SACS: variants seen among roughly 807,000 people sequenced by gnomAD.
SACS encodes sacsin.
In SACS, 197 loss-of-function variants were observed where a neutral mutation model predicts 348.0. The observed-to-expected ratio is 0.57, with a 90% CI of 0.50 to 0.64. SACS has a LOEUF of 0.64. Among genes scored for constraint, SACS ranks in the 30% least tolerant of loss-of-function variants. SACS has a pLI of 0.00. For missense variants in SACS, 4,999 were observed against 5,360.8 expected (o/e 0.93, Z 2.11); for synonymous variants, 1,985 against 1,910.6 (o/e 1.04, Z -1.02).
intron 2 of SACS, among the ~76,000 whole-genome samples, chr13:23,400,522 G>T (rs1398491734): frequency 6.6e-6 from 1 of 152,178 alleles, no homozygotes; most frequent in Non-Finnish European, 1.5e-5. Flanking sequence ...CTGGGTTCAT[G>T]CCATTCTCCT....
At chr13:23,426,360 G>A (rs1477071682) in intron 1 of SACS, among the ~76,000 whole-genome samples, 3 of 152,198 alleles carry the variant, frequency 2.0e-5, no homozygotes, top group Non-Finnish European at 4.4e-5. Flanking sequence ...AGAAGTACAG[G>A]CCAGGTGCAG....
intron 7 of SACS, among the ~76,000 whole-genome samples, chr13:23,357,605 T>C (rs1471192850): frequency 1.3e-5 from 2 of 152,136 alleles, no homozygotes; most frequent in East Asian, 3.8e-4. Context: ...AATCTTTCCT[T>C]CTCCTGCAAG....
chr13:23,401,056 T>C (rs1381387053), intron 2 of SACS, among the ~76,000 whole-genome samples: 1 of 152,178 alleles, frequency 6.6e-6, no homozygotes, highest in African/African-American at 2.4e-5. Flanking sequence ...ATAAATATTT[T>C]AGAAATTATA....
chr13:23,339,712 A>T lies in SACS; in HGVS notation c.4164T>A (p.Ser1388=). 1 of 1,614,154 alleles carries T rather than the reference A, an allele frequency of 6.2e-7. No individual in the cohort carries two copies. The highest frequency in any genetic ancestry group is 8.5e-7 in the Non-Finnish European group (1 of 1,180,002). ...CGTGAATTGGCTTCATGATAAGTTT[A>T]GAAGGATTTTTGCTATGATGTATAG... ...PVPIHHSKNP[S]KLIMKPIHEC... is the part of the protein sequence containing the mutation. The change falls in exon 10 of 10, where the codon TCT becomes TCA. Residue 1388 remains serine, a synonymous_variant. Coordinates refer to ENST00000382292, the MANE Select transcript of SACS (RefSeq NM_014363.6).
At chr13:23,410,738 G>T (rs1873446459) in intron 2 of SACS, among the ~76,000 whole-genome samples, 1 of 151,856 alleles carries the variant, frequency 6.6e-6, no homozygotes, top group South Asian at 2.1e-4. Flanking sequence ...ATTCTTATAA[G>T]ATAGCAACTA....
chr13:23,416,654 G>A (rs560129994), intron 1 of SACS, among the ~76,000 whole-genome samples: 2 of 151,736 alleles, frequency 1.3e-5, no homozygotes, highest in South Asian at 2.1e-4. Flanking sequence ...CTACTCGGGA[G>A]GCTGAGGCAA....
chr13:23,368,732 T>C (rs575745097), intron 4 of SACS, among the ~76,000 whole-genome samples: 1 of 152,334 alleles, frequency 6.6e-6, no homozygotes, highest in East Asian at 1.9e-4. Context: ...AGAGTCTCGC[T>C]CTGTCGCCCA....
chr13:23,361,733 C>T (rs924088557), intron 6 of SACS, among the ~76,000 whole-genome samples: 26 of 151,594 alleles, frequency 1.7e-4, no homozygotes, highest in African/African-American at 6.1e-4. Context: ...GCCAAGATCA[C>T]GCCACTTTAC....
rs188280316 is a variant in SACS at position 23,422,307 on chromosome 13, T to C, written c.-501-10567A>G. ...AGAAGAAGCTTTGTGATGTGCTTTA[T>C]TATATCACTGAATGTAACCTGTGTT... is the stretch of plus-strand genomic sequence containing the variant. On this transcript the variant is annotated intron_variant, in intron 1 of 9. Transcript: ENST00000382292. Among the ~76,000 whole-genome samples the C allele has an allele frequency of 3.9e-5, 6 of 152,376 alleles. No homozygotes were observed. The East Asian group carries it at 7.7e-4, about 20-fold the overall frequency.
Position 23,338,670 on chromosome 13 carries a change from C to T in SACS, c.5206G>A (p.Ala1736Thr), listed in dbSNP as rs762046987. The part of the protein sequence containing the change: ...TPVLSVLKEA[A>T]KLMKTCSSSN... ...CTGCTGCAAGTCTTCATGAGCTTAGCAGCCTCTTTTAAAACACTTAAGACA... is the reference window on the plus strand; with the variant it reads ...CTGCTGCAAGTCTTCATGAGCTTAGTAGCCTCTTTTAAAACACTTAAGACA... Residue 1736 changes from alanine to threonine, a missense_variant, in exon 10 of 10, where the codon GCT becomes ACT. Ala to Thr is a moderately conservative substitution (Grantham distance 58). Coordinates refer to ENST00000382292, the MANE Select transcript of SACS (RefSeq NM_014363.6). The T allele has an allele frequency of 1.2e-6, 2 of 1,614,112 alleles. No homozygotes were observed. Among genetic ancestry groups the T allele is most frequent in the Non-Finnish European group, 1.7e-6 (2 of 1,180,004 alleles).
chr13:23,427,195 A>G (rs1400389510), intron 1 of SACS: 1 of 152,224 alleles, frequency 6.6e-6, no homozygotes, highest in Non-Finnish European at 1.5e-5. Context: ...CGGTTTTTGC[A>G]AATATTAGAT....
At chr13:23,378,642 T>C (rs916112656) in intron 2 of SACS, among the ~76,000 whole-genome samples, 1 of 152,150 alleles carries the variant, frequency 6.6e-6, no homozygotes, top group Non-Finnish European at 1.5e-5. Context: ...GGTTTCGCCA[T>C]GTTGGCCAGG....
At chr13:23,356,220 A>T (rs1870378757) in intron 7 of SACS, among the ~76,000 whole-genome samples, 1 of 152,258 alleles carries the variant, frequency 6.6e-6, no homozygotes, top group African/African-American at 2.4e-5. Flanking sequence ...CCAGGCATAG[A>T]GACTTTGCAT....
chr13:23,405,501 C>G (rs1873165782), intron 2 of SACS, among the ~76,000 whole-genome samples: 1 of 152,172 alleles, frequency 6.6e-6, no homozygotes, highest in African/African-American at 2.4e-5. Context: ...TGGGCAAAGA[C>G]TTCATGACTG....
Position 23,340,027 on chromosome 13 carries a change from C to G in SACS, c.3849G>C (p.Lys1283Asn), listed in dbSNP as rs777239734. ...LKFPWVWTGK[K>N]FCPLAQAVIK... ...TCACAGCCTGGGCAAGTGGACAAAA[C>G]TTTTTGCCAGTCCAAACCCATGGAA... Residue 1283 changes from lysine to asparagine, a missense_variant, in exon 10 of 10, where the codon AAG becomes AAC. By Grantham distance (94) the Lys-to-Asn change is moderately conservative. Around this residue, in one of 6 missense-constraint regions of SACS, gnomAD observed 3,156 missense variants for 3,380.1 expected, o/e 0.93. Transcript: ENST00000382292. 2 of 1,613,546 alleles carry G rather than the reference C, an allele frequency of 1.2e-6. No homozygotes were observed. The highest frequency in any genetic ancestry group is 2.7e-5 in the African/African-American group (2 of 74,882).
chr13:23,376,332 G>A (rs1871801620), intron 2 of SACS, among the ~76,000 whole-genome samples: 1 of 151,804 alleles, frequency 6.6e-6, no homozygotes, highest in Non-Finnish European at 1.5e-5. Flanking sequence ...AGGCTTGGGG[G>A]AACCTCAGGC....
chr13:23,375,599 G>C (rs1871741423), intron 2 of SACS: 1 of 1,004,718 alleles, frequency 1.0e-6, no homozygotes, highest in African/African-American at 1.7e-5. Context: ...GGCGCCGCCC[G>C]CGGGGACACG....
In SACS at chr13:23,330,716, A is replaced by T. The variant is rs757758728; in HGVS notation, c.13160T>A (p.Phe4387Tyr). Residue 4387 changes from phenylalanine (F) to tyrosine (Y), a missense_variant, in exon 10 of 10, where the codon TTT (phenylalanine) becomes TAT (tyrosine). Coordinates refer to ENST00000382292, the MANE Select transcript of SACS (RefSeq NM_014363.6). ...RRTFSTSASR[F>Y]QSDKYSFQRF... ...CTGAAATGAGTATTTGTCTGACTGA[A>T]ATCGGGATGCTGAGGTTGAAAATGT... 7 of 1,613,960 alleles carry T rather than the reference A, an allele frequency of 4.3e-6. No individual in the cohort carries two copies. The African/African-American group carries it at 8.0e-5, about 18-fold the overall frequency.
At chr13:23,368,373 A>AT in intron 5 of SACS, 29 bp downstream of exon 5, 1 of 1,496,124 alleles carries the variant, frequency 6.7e-7, no homozygotes, top group South Asian at 1.2e-5. Flanking sequence ...ATCAAAGTAA[A>AT]TAACACATGA....
Sources: gnomAD v4.1 joint callset for allele counts (sites outside exome capture counted in the v4.1 genomes callset) on GRCh38, gnomAD v4.1.1 for gene constraint, gnomAD v4.1.1 regional missense constraint, MANE v1.5 for transcripts, NCBI Gene and HGNC (gene_info 2026-07-23, HGNC 2026-07-21) for gene names.